Variants in TWIST2 observed in about 807,000 individuals in gnomAD.
The protein encoded by TWIST2 is twist-related protein 2.
In TWIST2, 1 loss-of-function variant was observed where a neutral mutation model predicts 11.6. The observed-to-expected ratio is 0.09, with a 90% CI of 0.03 to 0.41. The LOEUF is 0.41. Ranked by LOEUF, TWIST2 falls within the 10% of genes least tolerant of loss-of-function variation. TWIST2 has a pLI of 0.98. For synonymous variants in TWIST2, 87 were observed against 96.6 expected (o/e 0.90, Z 0.58); for missense variants, 168 against 226.4 (o/e 0.74, Z 1.66).
intron 1 of TWIST2, among the ~76,000 whole-genome samples, chr2:238,909,102 GGTGT>G (rs1307137128): frequency 4.8e-5 from 1 of 20,644 alleles, no homozygotes; most frequent in African/African-American, 1.5e-4. Flanking sequence ...TGGTATGTTT[GGTGT>G]GTGTGTATGT....
In TWIST2 at chr2:238,866,531, C is replaced by T. The variant is rs867584175; in HGVS notation, c.*35+17798C>T. Among the ~76,000 whole-genome samples, 2 of 152,134 alleles carry T rather than the reference C, an allele frequency of 1.3e-5. No individual in the cohort carries two copies. The highest frequency in any genetic ancestry group is 4.8e-5 in the African/African-American group (2 of 41,414). On this transcript the variant is annotated intron_variant, in intron 1 of 1. Transcript: ENST00000612363. This position sits in a 1 kb window ranked among gnomAD's most constrained non-coding sequence, Gnocchi z 4.9. ...AATTAGCTGGGCATGGTGGTGTGTG[C>T]CTGTAATCCCAGCTACCTGGGAGGC...
chr2:238,905,973 G>T (rs1197920429), intron 1 of TWIST2, among the ~76,000 whole-genome samples: 3 of 141,930 alleles, frequency 2.1e-5, no homozygotes, highest in South Asian at 2.2e-4. Flanking sequence ...GCGTGTGTGT[G>T]CGCGCGCGTG....
chr2:238,902,805 G>GGTGTGTGTGATGT (rs1244607206), intron 1 of TWIST2, among the ~76,000 whole-genome samples: 1 of 142,600 alleles, frequency 7.0e-6, no homozygotes, highest in East Asian at 2.3e-4. Context: ...TGATGTGTGA[G>GGTGTGTGTGATGT]GTGTGTGTGA....
intron 1 of TWIST2, among the ~76,000 whole-genome samples, chr2:238,872,836 A>G (rs1486166046): frequency 1.3e-5 from 2 of 152,168 alleles, no homozygotes; most frequent in Admixed American, 1.3e-4. Context: ...CGCTCCGCAG[A>G]TGGTTTTGCG....
At chr2:238,892,151 C>T (rs534946914) in intron 1 of TWIST2, among the ~76,000 whole-genome samples, 2 of 151,890 alleles carry the variant, frequency 1.3e-5, no homozygotes, top group East Asian at 3.9e-4. Flanking sequence ...GCCAGGCAAC[C>T]ACCGGAAGGG....
intron 1 of TWIST2, among the ~76,000 whole-genome samples, chr2:238,883,518 G>T (rs1692976108): frequency 6.6e-6 from 1 of 152,238 alleles, no homozygotes; most frequent in South Asian, 2.1e-4. Context: ...TGCCAGAGCT[G>T]CAGAGCGAGG....
intron 1 of TWIST2, among the ~76,000 whole-genome samples, chr2:238,900,873 C>T (rs1304582918): frequency 1.3e-5 from 2 of 152,068 alleles, no homozygotes; most frequent in African/African-American, 4.8e-5. Flanking sequence ...TTGGTGTTCC[C>T]TTTTAGTCTG....
chr2:238,905,852 T>C lies in TWIST2; in HGVS notation c.*36-3990T>C, dbSNP rs932155490. On this transcript the variant is annotated intron_variant, in intron 1 of 1. Transcript: ENST00000612363. ...GAACTTTGAAAAAAGTGTGTGTGTG[T>C]GTGCGTGTGTGTGCGTGCGTGTGTG... Among the ~76,000 whole-genome samples the C allele has an allele frequency of 3.7e-4, 16 of 43,360 alleles. No homozygotes were observed. In the South Asian group the frequency reaches 4.2e-3, roughly 11 times the overall value. 28.4% of individuals were successfully genotyped at this position (43,360 alleles called of 152,430 possible). A position where few individuals can be genotyped will look rare whatever the true frequency, so the allele number is the denominator to read the frequency against.
intron 1 of TWIST2, among the ~76,000 whole-genome samples, chr2:238,850,784 G>A (rs1025291341): frequency 4.6e-5 from 7 of 152,122 alleles, no homozygotes; most frequent in African/African-American, 1.7e-4. Flanking sequence ...GATCTATAAG[G>A]AGCCTATTTA....
chr2:238,906,617 C>A (rs919128480), intron 1 of TWIST2, among the ~76,000 whole-genome samples: 6 of 152,108 alleles, frequency 3.9e-5, no homozygotes, highest in Non-Finnish European at 4.4e-5. Flanking sequence ...GACATTCTTT[C>A]ATACTCACAC....
chr2:238,861,827 C>T (rs1261838645), intron 1 of TWIST2, among the ~76,000 whole-genome samples: 1 of 152,224 alleles, frequency 6.6e-6, no homozygotes, highest in East Asian at 1.9e-4. Flanking sequence ...TTAAATTGCA[C>T]ACCATTCTGA....
chr2:238,905,889 G>A (rs1290355841), intron 1 of TWIST2, among the ~76,000 whole-genome samples: 12 of 145,324 alleles, frequency 8.3e-5, no homozygotes, highest in South Asian at 4.4e-4. Flanking sequence ...GCATGTGCGC[G>A]CATGCGCGTG....
chr2:238,869,336 G>A (rs1692604254), intron 1 of TWIST2, among the ~76,000 whole-genome samples: 1 of 152,156 alleles, frequency 6.6e-6, no homozygotes, highest in Non-Finnish European at 1.5e-5. Context: ...CACAGGCAAG[G>A]AAAACAAAAA....
At chr2:238,895,209 G>A (rs1165881710) in intron 1 of TWIST2, among the ~76,000 whole-genome samples, 3 of 152,270 alleles carry the variant, frequency 2.0e-5, no homozygotes, top group African/African-American at 7.2e-5. Context: ...GCTTGGACCA[G>A]TGTGTCAGTG....
chr2:238,883,309 G>A (rs909910795), intron 1 of TWIST2, among the ~76,000 whole-genome samples: 1 of 152,180 alleles, frequency 6.6e-6, no homozygotes, highest in Admixed American at 6.5e-5. Context: ...CACCGTGGGA[G>A]CCAGCCAGGG....
intron 1 of TWIST2, among the ~76,000 whole-genome samples, chr2:238,897,115 C>T (rs1242840513): frequency 1.3e-5 from 2 of 152,206 alleles, no homozygotes; most frequent in Non-Finnish European, 1.5e-5. Context: ...CTCTTAGCCT[C>T]ACCATCGTCC....
At chr2:238,883,286 C>T (rs1408758137) in intron 1 of TWIST2, among the ~76,000 whole-genome samples, 1 of 152,202 alleles carries the variant, frequency 6.6e-6, no homozygotes, top group Non-Finnish European at 1.5e-5. Context: ...TGGAGACATG[C>T]AGGATCCACG....
In TWIST2 at chr2:238,848,355, C is replaced by T. The variant is rs1355366316; in HGVS notation, c.140C>T (p.Pro47Leu). 2 of 1,534,564 alleles carry T rather than the reference C, an allele frequency of 1.3e-6. No homozygotes were observed. Among genetic ancestry groups the T allele is most frequent in the Non-Finnish European group, 1.7e-6 (2 of 1,145,998 alleles). The change falls in exon 1 of 2, where the codon CCG (proline) becomes CTG (leucine). Residue 47 changes from proline (P) to leucine (L), a missense_variant. Physicochemically the swap from Pro to Leu is moderately conservative, Grantham distance 98 (BLOSUM62 -3). Coordinates refer to ENST00000612363, the MANE Select transcript of TWIST2 (RefSeq NM_001271893.4). ...KKSSEDGSPT[P>L]GKRGKKGSPS... The stretch of plus-strand genomic sequence containing the variant: ...TCGAGCGAAGATGGCAGCCCGACCC[C>T]GGGCAAGCGCGGCAAGAAGGGCAGC...
At chr2:238,870,146 ACACAC>A (rs1380626945) in intron 1 of TWIST2, among the ~76,000 whole-genome samples, 1 of 141,200 alleles carries the variant, frequency 7.1e-6, no homozygotes, top group Non-Finnish European at 1.5e-5. Context: ...CACACCCCAT[ACACAC>A]CACACCCCAC....
Sources: gnomAD v4.1 joint callset for allele counts (sites outside exome capture counted in the v4.1 genomes callset) on GRCh38, gnomAD v4.1.1 for gene constraint, Gnocchi (gnomAD v3.1) non-coding constraint, MANE v1.5 for transcripts, NCBI Gene and HGNC (gene_info 2026-07-23, HGNC 2026-07-21) for gene names.